CNTN1: variants seen among roughly 807,000 people sequenced by gnomAD.
CNTN1 encodes the protein contactin 1.
CNTN1 carries 38 observed loss-of-function variants against 126.4 expected under a neutral mutation model. The ratio of observed to expected loss-of-function variants is 0.30; its 90% CI spans 0.23 to 0.39. The LOEUF is 0.39. Among genes scored for constraint, CNTN1 ranks in the 10% least tolerant of loss-of-function variants. CNTN1 has a pLI of 1.00. For missense variants in CNTN1, 1,009 were observed against 1,248.4 expected (o/e 0.81, Z 2.89); for synonymous variants, 413 against 422.6 (o/e 0.98, Z 0.28).
rs996967220 is a variant in CNTN1, at chr12:40,961,940, A to G, written c.1804+2706A>G. Among the ~76,000 whole-genome samples the G allele has an allele frequency of 7.9e-5, 12 of 151,664 alleles. No individual in the cohort carries two copies. The South Asian group carries it at 2.5e-3, about 31-fold the overall frequency. On this transcript the variant is annotated intron_variant, in intron 15 of 23. Transcript: ENST00000551295. ...CAGTAGAAATCTATAAGAACTTTCC[A>G]TATTTGAGATGGACTAATTTTAATC... is the stretch of plus-strand genomic sequence containing the variant.
chr12:40,795,057 C>T (rs1565745913), intron 1 of CNTN1, among the ~76,000 whole-genome samples: 1 of 152,030 alleles, frequency 6.6e-6, no homozygotes, highest in African/African-American at 2.4e-5. Context: ...TTTCCCTCCA[C>T]AATGTGGGAA....
Position 41,025,222 on chromosome 12 carries a change from G to A in CNTN1, c.2596G>A (p.Ala866Thr), listed in dbSNP as rs754117393. The A allele has an allele frequency of 1.9e-6, 3 of 1,613,974 alleles. No homozygotes were observed. The highest frequency in any genetic ancestry group is 1.7e-4 in the Middle Eastern group (1 of 6,058). ...TCAAGTCACCAGCCAAGAGTACTCGGCCAGGCTCGAGAACCTTCTGCCAGA... is the reference window on the plus strand; with the variant it reads ...TCAAGTCACCAGCCAAGAGTACTCGACCAGGCTCGAGAACCTTCTGCCAGA... ...RVQVTSQEYS[A>T]RLENLLPDTQ... The change falls in exon 21 of 24, where the codon GCC becomes ACC. Residue 866 changes from alanine to threonine, a missense_variant. Ala to Thr is a moderately conservative substitution (Grantham distance 58, BLOSUM62 0). Coordinates refer to ENST00000551295, the MANE Select transcript of CNTN1 (RefSeq NM_001843.4).
chr12:41,012,470 T>C (rs1566141381), intron 17 of CNTN1, among the ~76,000 whole-genome samples: 1 of 152,186 alleles, frequency 6.6e-6, no homozygotes, highest in Non-Finnish European at 1.5e-5. Context: ...GGAGATCTTG[T>C]GGCCGATAGC....
At chr12:40,996,331 C>G (rs1246487044) in intron 17 of CNTN1, among the ~76,000 whole-genome samples, 1 of 152,052 alleles carries the variant, frequency 6.6e-6, no homozygotes, top group Non-Finnish European at 1.5e-5. Flanking sequence ...CTGGGTTTCT[C>G]CATGTTGCCC....
chr12:40,702,565 C>G (rs925147892), intron 1 of CNTN1, among the ~76,000 whole-genome samples: 3 of 152,142 alleles, frequency 2.0e-5, no homozygotes, highest in Non-Finnish European at 4.4e-5. Context: ...CTGCCTCAGC[C>G]TCCCAAGTAG....
intron 1 of CNTN1, among the ~76,000 whole-genome samples, chr12:40,735,808 G>C (rs1937650399): frequency 6.6e-6 from 1 of 152,028 alleles, no homozygotes; most frequent in East Asian, 1.9e-4. Context: ...CAGAACATTG[G>C]GGGATGCTAA....
At chr12:40,800,955 G>T (rs1180084090) in intron 1 of CNTN1, among the ~76,000 whole-genome samples, 2 of 150,832 alleles carry the variant, frequency 1.3e-5, no homozygotes, top group African/African-American at 4.9e-5. Context: ...ATAAGAATGA[G>T]TAAGTTTGGA....
intron 1 of CNTN1, among the ~76,000 whole-genome samples, chr12:40,744,314 AT>A (rs1938084591): frequency 6.8e-6 from 1 of 146,138 alleles, no homozygotes; most frequent in Admixed American, 6.7e-5. Context: ...TAAAAAAAAA[AT>A]AAAAGAACAA....
At chr12:41,067,978 C>T (rs1299761219) in intron 23 of CNTN1, among the ~76,000 whole-genome samples, 1 of 152,100 alleles carries the variant, frequency 6.6e-6, no homozygotes, top group African/African-American at 2.4e-5. Context: ...TATGTGTTAG[C>T]TTTTTTCCAT....
At chr12:40,719,983 G>A (rs1942152163) in intron 1 of CNTN1, among the ~76,000 whole-genome samples, 2 of 150,998 alleles carry the variant, frequency 1.3e-5, no homozygotes, top group African/African-American at 2.4e-5. Flanking sequence ...GATTACAGGC[G>A]CATGCACCAC....
chr12:40,716,407 T>G (rs1225559228), intron 1 of CNTN1, among the ~76,000 whole-genome samples: 1 of 151,668 alleles, frequency 6.6e-6, no homozygotes, highest in African/African-American at 2.4e-5. Context: ...CTCCTTCTCC[T>G]TCTCCTCCTT....
At chr12:40,893,743 A>C (rs943745067) in intron 1 of CNTN1, among the ~76,000 whole-genome samples, 1 of 152,064 alleles carries the variant, frequency 6.6e-6, no homozygotes, top group Non-Finnish European at 1.5e-5. Flanking sequence ...TCATTGCATA[A>C]AACAAATTGA....
intron 23 of CNTN1, among the ~76,000 whole-genome samples, chr12:41,064,883 A>C (rs978571755): frequency 5.9e-5 from 9 of 152,264 alleles, no homozygotes; most frequent in East Asian, 1.9e-4. Flanking sequence ...AAATTAAAAA[A>C]ATTAAAGAAC....
intron 1 of CNTN1, among the ~76,000 whole-genome samples, chr12:40,821,771 A>T (rs890868840): frequency 3.3e-5 from 5 of 152,030 alleles, no homozygotes; most frequent in Admixed American, 6.6e-5. Context: ...TTTCTTAATG[A>T]TTGGAGAGAT....
chr12:40,763,437 A>G lies in CNTN1; in HGVS notation c.-77+70845A>G, dbSNP rs1348614087. Among the ~76,000 whole-genome samples the G allele has an allele frequency of 2.6e-5, 4 of 152,352 alleles. No homozygotes were observed. In the East Asian group the frequency reaches 7.7e-4, roughly 29 times the overall value. ...TATTTATTAAGTAAATTTAGTAAGT[A>G]AATGAAGGGTGAGGGGCTTGTGCAG... On this transcript the variant is annotated intron_variant, in intron 1 of 23. Transcript: ENST00000551295.
intron 1 of CNTN1, among the ~76,000 whole-genome samples, chr12:40,849,286 A>G (rs1266460075): frequency 6.6e-6 from 1 of 152,176 alleles, no homozygotes; most frequent in African/African-American, 2.4e-5. Flanking sequence ...ATTTAACATT[A>G]GCAACAACAA....
At chr12:40,741,720 T>C (rs967108876) in intron 1 of CNTN1, among the ~76,000 whole-genome samples, 1 of 152,102 alleles carries the variant, frequency 6.6e-6, no homozygotes, top group African/African-American at 2.4e-5. Context: ...GTAGACATTA[T>C]ATCATTTCAC....
intron 14 of CNTN1, among the ~76,000 whole-genome samples, chr12:40,957,621 A>AAATAAAT (rs1377921860): frequency 1.3e-5 from 2 of 151,172 alleles, no homozygotes; most frequent in Non-Finnish European, 3.0e-5. Flanking sequence ...ATAAATAAAT[A>AAATAAAT]AATAACAGAC....
In CNTN1 at chr12:40,934,670, G is replaced by A. The variant is rs114149651; in HGVS notation, c.985+792G>A. Reference sequence around the variant, plus strand: ...CTACTGTCCCATTTCACTTTCTCCCGTCTCTCCCAAAAAGGAATAAAAAAT... The same window carrying A: ...CTACTGTCCCATTTCACTTTCTCCCATCTCTCCCAAAAAGGAATAAAAAAT... On this transcript the variant is annotated intron_variant, in intron 9 of 23. Coordinates refer to ENST00000551295, the MANE Select transcript of CNTN1 (RefSeq NM_001843.4). Among the ~76,000 whole-genome samples the A allele has an allele frequency of 3.3e-3, 497 of 151,658 alleles. 3 individuals carry two copies. The highest frequency in any genetic ancestry group is 0.011 in the African/African-American group (463 of 41,370).
Sources: allele counts gnomAD v4.1 joint callset (sites outside exome capture counted in the v4.1 genomes callset), GRCh38; gene constraint gnomAD v4.1.1; transcripts MANE v1.5; gene names NCBI Gene and HGNC (gene_info 2026-07-23, HGNC 2026-07-21).